UNC13C: variants seen among roughly 807,000 people sequenced by gnomAD.
The protein encoded by UNC13C is unc-13 homolog C.
Under a neutral mutation model 245.4 loss-of-function variants are expected in UNC13C, and 174 were observed. That is an observed-to-expected ratio of 0.71 (90% confidence interval 0.63 to 0.80). UNC13C has a LOEUF of 0.80. Among genes scored for constraint, UNC13C ranks in the 30% least tolerant of loss-of-function variants. The pLI is 0.00. For synonymous variants in UNC13C, 992 were observed against 895.1 expected (o/e 1.11, Z -1.93); for missense variants, 2,829 against 2,602.9 (o/e 1.09, Z -1.89).
chr15:54,041,498 G>T (rs1166061692), intron 2 of UNC13C, among the ~76,000 whole-genome samples: 1 of 152,152 alleles, frequency 6.6e-6, no homozygotes. Flanking sequence ...TGGAAATATT[G>T]TTCCCATATA....
intron 10 of UNC13C, among the ~76,000 whole-genome samples, chr15:54,266,855 G>T (rs2036561076): frequency 1.3e-5 from 2 of 151,914 alleles, no homozygotes; most frequent in Admixed American, 1.3e-4. Flanking sequence ...GATGCTATAG[G>T]ATACTTTTCA....
At chr15:54,255,464 G>T (rs571478290) in intron 8 of UNC13C, among the ~76,000 whole-genome samples, 120 of 152,230 alleles carry the variant, frequency 7.9e-4, no homozygotes, top group African/African-American at 2.7e-3. Context: ...GACGATTTCT[G>T]TCCTGTGCTC....
the UNC13C span, among the ~76,000 whole-genome samples, chr15:53,905,202 AG>A: frequency 6.6e-6 from 1 of 152,110 alleles, no homozygotes; most frequent in South Asian, 2.1e-4. Context: ...ATCCCACTAC[AG>A]GTATAGTCAA....
chr15:54,332,449 C>T (rs2038464292), intron 15 of UNC13C, among the ~76,000 whole-genome samples: 1 of 151,854 alleles, frequency 6.6e-6, no homozygotes, highest in African/African-American at 2.4e-5. Flanking sequence ...ATTTTGAAAG[C>T]TCACCCTTTG....
intron 26 of UNC13C, among the ~76,000 whole-genome samples, chr15:54,536,381 C>T (rs1423636592): frequency 6.6e-6 from 1 of 151,970 alleles, no homozygotes; most frequent in East Asian, 1.9e-4. Flanking sequence ...CAGATGGATT[C>T]ACAGCCAAAT....
intron 1 of UNC13C, among the ~76,000 whole-genome samples, chr15:53,990,965 A>T (rs1381496309): frequency 6.6e-6 from 1 of 152,006 alleles, no homozygotes; most frequent in Non-Finnish European, 1.5e-5. Context: ...AGTTGTAGGG[A>T]TGGGGAGTAC....
chr15:54,127,804 A>AAT (rs35123031), intron 2 of UNC13C, among the ~76,000 whole-genome samples: 31 of 146,206 alleles, frequency 2.1e-4, no homozygotes, highest in Admixed American at 1.4e-3. Flanking sequence ...TATAATATTT[A>AAT]ATATATATAT....
At chr15:53,947,333 A>G in the UNC13C span, among the ~76,000 whole-genome samples, 2,553 of 152,298 alleles carry the variant, frequency 0.017, 108 homozygotes, top group East Asian at 0.15. Flanking sequence ...ATAATGTGGC[A>G]CATAGAAGAT....
chr15:54,479,896 T>A (rs945076797), intron 19 of UNC13C, among the ~76,000 whole-genome samples: 3 of 152,192 alleles, frequency 2.0e-5, no homozygotes, highest in Non-Finnish European at 4.4e-5. Context: ...TACTTGCCTT[T>A]CAGATTCGAA....
At chr15:53,868,063 G>A in the UNC13C span, among the ~76,000 whole-genome samples, 1 of 152,164 alleles carries the variant, frequency 6.6e-6, no homozygotes, top group Admixed American at 6.5e-5. Flanking sequence ...TTGAATTCCT[G>A]GGCTCAAGCG....
At chr15:54,285,605 T>C (rs188742685) in intron 10 of UNC13C, among the ~76,000 whole-genome samples, 10 of 152,334 alleles carry the variant, frequency 6.6e-5, no homozygotes, top group Admixed American at 5.9e-4. Flanking sequence ...TCGAGATGGC[T>C]CTGGCAGGAG....
chr15:54,410,840 G>T (rs1340101894), intron 18 of UNC13C, among the ~76,000 whole-genome samples: 3 of 151,794 alleles, frequency 2.0e-5, no homozygotes, highest in African/African-American at 7.3e-5. Flanking sequence ...GTATGTTTGG[G>T]TTCTTTCTTG....
the UNC13C span, among the ~76,000 whole-genome samples, chr15:53,954,152 A>G: frequency 6.6e-6 from 1 of 152,206 alleles, no homozygotes; most frequent in Non-Finnish European, 1.5e-5. Context: ...GCCCAATTTT[A>G]CATACAGAAT....
intron 17 of UNC13C, among the ~76,000 whole-genome samples, chr15:54,347,703 T>A (rs1251926071): frequency 6.6e-6 from 1 of 152,178 alleles, no homozygotes; most frequent in Non-Finnish European, 1.5e-5. Context: ...ATGTGCTACC[T>A]ACAAGTGGGA....
At chr15:54,507,369 T>C (rs943364637) in intron 23 of UNC13C, among the ~76,000 whole-genome samples, 175 bp downstream of exon 23, 8 of 152,090 alleles carry the variant, frequency 5.3e-5, no homozygotes, top group African/African-American at 1.9e-4. Flanking sequence ...TAATACAGGA[T>C]TTACAGGAAG....
chr15:54,020,313 C>T lies in UNC13C; in HGVS notation c.2983+4427C>T, dbSNP rs376467111. ...TTTTTGAGATGAAGTCTCATTCTGT[C>T]ACCCAGACTGGAGTGCAGTGGCACG... On this transcript the variant is annotated intron_variant, in intron 2 of 32. Coordinates refer to ENST00000260323, the MANE Select transcript of UNC13C (RefSeq NM_001080534.3). Among the ~76,000 whole-genome samples the T allele has an allele frequency of 8.8e-4, 126 of 143,376 alleles. 1 individual carries two copies. Among genetic ancestry groups the T allele is most frequent in the African/African-American group, 3.1e-3 (121 of 38,722 alleles). 94.1% of individuals were successfully genotyped at this position (143,376 alleles called of 152,430 possible).
intron 1 of UNC13C, among the ~76,000 whole-genome samples, chr15:53,987,967 G>A (rs1894219821): frequency 6.6e-6 from 1 of 152,016 alleles, no homozygotes; most frequent in Admixed American, 6.6e-5. Flanking sequence ...ATGAAGTTCA[G>A]TTTCAGACGA....
chr15:54,353,130 C>T (rs1487396819), intron 17 of UNC13C, among the ~76,000 whole-genome samples: 2 of 151,980 alleles, frequency 1.3e-5, no homozygotes, highest in Non-Finnish European at 2.9e-5. Flanking sequence ...GTACCAAACA[C>T]TAAGAATAAG....
chr15:53,919,507 T>C, the UNC13C span, among the ~76,000 whole-genome samples: 884 of 152,302 alleles, frequency 5.8e-3, 11 homozygotes, highest in African/African-American at 0.02. Flanking sequence ...CAGGTGTTGA[T>C]TTCTAAACAG....
Sources: gnomAD v4.1 joint callset for allele counts (sites outside exome capture counted in the v4.1 genomes callset) on GRCh38, gnomAD v4.1.1 for gene constraint, MANE v1.5 for transcripts, NCBI Gene and HGNC (gene_info 2026-07-23, HGNC 2026-07-21) for gene names.